The following ST3GAL1 variants were observed in gnomAD, a reference collection of about 807,000 sequenced individuals.
ST3GAL1 encodes the protein ST3 beta-galactoside alpha-2,3-sialyltransferase 1.
In ST3GAL1, 16 loss-of-function variants were observed where a neutral mutation model predicts 34.1. The observed-to-expected ratio is 0.47, with a 90% CI of 0.32 to 0.71. The LOEUF (loss-of-function observed/expected upper bound fraction) is 0.71, where lower values mean the gene tolerates loss of function less well. Among genes scored for constraint, ST3GAL1 ranks in the 30% least tolerant of loss-of-function variants. ST3GAL1 has a pLI of 0.04. For missense variants in ST3GAL1, 353 were observed against 447.4 expected (o/e 0.79, Z 1.90); for synonymous variants, 191 against 184.7 (o/e 1.03, Z -0.28).
chr8:133,515,688 T>G (rs1245363422), intron 2 of ST3GAL1: 2 of 152,170 alleles, frequency 1.3e-5, no homozygotes, highest in African/African-American at 4.8e-5. Flanking sequence ...TACTAATTAT[T>G]ATTTTAATCC....
At chr8:133,497,597 C>A (rs1256334925) in intron 3 of ST3GAL1, among the ~76,000 whole-genome samples, 2 of 151,250 alleles carry the variant, frequency 1.3e-5, no homozygotes, top group Non-Finnish European at 2.9e-5. Context: ...CTCAGCCTCC[C>A]GAGTAGCTGG....
chr8:133,487,490 C>G (rs376118338), intron 3 of ST3GAL1, among the ~76,000 whole-genome samples: 15 of 152,188 alleles, frequency 9.9e-5, no homozygotes, highest in Admixed American at 7.2e-4. Flanking sequence ...GTGAGTTTCA[C>G]ACCTACTACA....
chr8:133,567,984 G>A (rs1050618643), intron 1 of ST3GAL1, among the ~76,000 whole-genome samples: 1 of 149,598 alleles, frequency 6.7e-6, no homozygotes, highest in Non-Finnish European at 1.5e-5. Flanking sequence ...GCCATGGCAC[G>A]ATCTCAGCTC....
At chr8:133,562,871 A>C (rs998672165) in intron 1 of ST3GAL1, among the ~76,000 whole-genome samples, 23 of 66,704 alleles carry the variant, frequency 3.4e-4, no homozygotes, top group Middle Eastern at 0.016. Flanking sequence ...TTTTTTTCCC[A>C]CTGGGCCTTT....
chr8:133,526,547 T>C (rs1586642066), intron 2 of ST3GAL1, among the ~76,000 whole-genome samples: 1 of 152,294 alleles, frequency 6.6e-6, no homozygotes, highest in South Asian at 2.1e-4. Context: ...CCTAATGGCT[T>C]GTGGGTTCCT....
intron 3 of ST3GAL1, among the ~76,000 whole-genome samples, chr8:133,490,733 T>C (rs1010716641): frequency 7.9e-5 from 12 of 152,140 alleles, no homozygotes; most frequent in African/African-American, 2.7e-4. Flanking sequence ...GTGGAAGTCC[T>C]GAGGAACGTG....
intron 6 of ST3GAL1, 149 bp downstream of exon 6, chr8:133,465,745 G>T: frequency 1.3e-6 from 1 of 771,938 alleles, no homozygotes; most frequent in Admixed American, 2.6e-5. Flanking sequence ...CTGAGGCCCA[G>T]GGGGTGCAGT....
chr8:133,548,203 G>A (rs1818725368), intron 1 of ST3GAL1, among the ~76,000 whole-genome samples: 1 of 152,208 alleles, frequency 6.6e-6, no homozygotes. Flanking sequence ...CTCCTAGCCA[G>A]TCTTAAAATA....
intron 3 of ST3GAL1, among the ~76,000 whole-genome samples, chr8:133,487,088 T>C (rs1035472179): frequency 6.6e-6 from 1 of 152,146 alleles, no homozygotes; most frequent in Non-Finnish European, 1.5e-5. Context: ...GGACTACAGA[T>C]GTGCACCATG....
chr8:133,488,101 T>C (rs7841242), intron 3 of ST3GAL1: 25,012 of 152,144 alleles, frequency 0.16, 2,511 homozygotes, highest in East Asian at 0.51. Context: ...AGATTTAATG[T>C]ATCAGCAGGC....
chr8:133,466,080 C>G lies in ST3GAL1; in HGVS notation c.317G>C (p.Arg106Pro). The change falls in exon 6 of 10, where the codon CGG becomes CCG. Residue 106 changes from arginine (R) to proline (P), a missense_variant. Transcript: ENST00000522652. This position sits in a 1 kb window ranked among gnomAD's most constrained non-coding sequence, Gnocchi z 4.4. ...ATTCAAGTTATTGGGCTTCTTCTCC[C>G]GCTGGAGCCTCTGTGGGCGGAGGAC... ...DTYRWWLRLQ[R>P]EKKPNNLNDT... 6.2e-7 allele frequency: 1 copy of G among 1,611,926 alleles called. No individual in the cohort carries two copies. The highest frequency in any genetic ancestry group is 8.5e-7 in the Non-Finnish European group (1 of 1,178,458).
At chr8:133,517,248 T>C in intron 2 of ST3GAL1, among the ~76,000 whole-genome samples, 1 of 152,256 alleles carries the variant, frequency 6.6e-6, no homozygotes, top group East Asian at 1.9e-4. Context: ...TCCCTGTCCC[T>C]TTACTCCTCT....
rs549582139 is a variant in ST3GAL1, at chr8:133,517,524, A to G, written c.-428-18335T>C. Among the ~76,000 whole-genome samples, 4 of 152,104 alleles carry G rather than the reference A, an allele frequency of 2.6e-5. No homozygotes were observed. In the South Asian group the frequency reaches 8.3e-4, roughly 32 times the overall value. On this transcript the variant is annotated intron_variant, in intron 2 of 9. Transcript: ENST00000522652. The stretch of plus-strand genomic sequence containing the variant: ...GCCAACCCACTTTGGCTAATTTTGT[A>G]TTTTTAGTAAAGACAGGGTTTCACC...
chr8:133,480,518 T>G (rs888983746), intron 3 of ST3GAL1, among the ~76,000 whole-genome samples: 1 of 152,172 alleles, frequency 6.6e-6, no homozygotes, highest in Non-Finnish European at 1.5e-5. Context: ...GAGAAATGCC[T>G]GAGCGAACTG....
chr8:133,565,172 T>C (rs1399828253), intron 1 of ST3GAL1, among the ~76,000 whole-genome samples: 1 of 151,690 alleles, frequency 6.6e-6, no homozygotes. Flanking sequence ...TGTGTGTGTG[T>C]GTGTGTGTGT....
At chr8:133,530,915 G>C (rs991249493) in intron 2 of ST3GAL1, among the ~76,000 whole-genome samples, 3 of 152,170 alleles carry the variant, frequency 2.0e-5, no homozygotes, top group Non-Finnish European at 4.4e-5. Flanking sequence ...AGAAGATGAG[G>C]AGTGTGGTCA....
chr8:133,511,398 G>A (rs1817493744), intron 2 of ST3GAL1, among the ~76,000 whole-genome samples: 1 of 152,164 alleles, frequency 6.6e-6, no homozygotes, highest in Non-Finnish European at 1.5e-5. Flanking sequence ...ACTGGCCCTT[G>A]GCCTACAATG....
rs1163793472 is a variant in ST3GAL1 at position 133,508,006 on chromosome 8, C to T, written c.-428-8817G>A. Among the ~76,000 whole-genome samples the T allele has an allele frequency of 6.6e-6, 1 of 152,152 alleles. No individual in the cohort carries two copies. The highest frequency in any genetic ancestry group is 2.4e-5 in the African/African-American group (1 of 41,436). ...GGAGCTGCCTCCCCTGGGAGGTGCC[C>T]ACCCTCTCACCCCCCACACCCTAGG... is the stretch of plus-strand genomic sequence containing the variant. On this transcript the variant is annotated intron_variant, in intron 2 of 9. Coordinates refer to ENST00000522652, the MANE Select transcript of ST3GAL1 (RefSeq NM_173344.3). The surrounding 1 kb of genome is among the most constrained non-coding windows in gnomAD (Gnocchi z 4.1).
chr8:133,552,596 A>G (rs1586664102), intron 1 of ST3GAL1, among the ~76,000 whole-genome samples: 2 of 152,184 alleles, frequency 1.3e-5, no homozygotes, highest in African/African-American at 4.8e-5. Context: ...GTGGAGACCC[A>G]GGGACTCCAG....
Sources: gnomAD v4.1 joint callset for allele counts (sites outside exome capture counted in the v4.1 genomes callset) on GRCh38, gnomAD v4.1.1 for gene constraint, Gnocchi (gnomAD v3.1) non-coding constraint, MANE v1.5 for transcripts, NCBI Gene and HGNC (gene_info 2026-07-23, HGNC 2026-07-21) for gene names.